Variants in DACH1 observed in about 807,000 individuals in gnomAD.
DACH1 encodes the protein dachshund family transcription factor 1.
DACH1 carries 12 observed loss-of-function variants against 54.2 expected under a neutral mutation model. That is an observed-to-expected ratio of 0.22 (90% confidence interval 0.14 to 0.36). The LOEUF (loss-of-function observed/expected upper bound fraction) is 0.36, where lower values mean the gene tolerates loss of function less well. Among genes scored for constraint, DACH1 ranks in the 10% least tolerant of loss-of-function variants. DACH1 has a pLI of 1.00. For synonymous variants in DACH1, 386 were observed against 366.2 expected (o/e 1.05, Z -0.62); for missense variants, 805 against 929.8 (o/e 0.87, Z 1.75).
At chr13:71,529,305 G>A (rs966831973) in intron 6 of DACH1, among the ~76,000 whole-genome samples, 2 of 150,552 alleles carry the variant, frequency 1.3e-5, no homozygotes, top group Admixed American at 1.3e-4. Context: ...TCCTGCCTCA[G>A]CCTCCTGAGT....
intron 1 of DACH1, among the ~76,000 whole-genome samples, chr13:71,827,296 C>A (rs1437086134): frequency 5.3e-5 from 8 of 152,024 alleles, no homozygotes; most frequent in African/African-American, 1.9e-4. Context: ...TACTGACTTA[C>A]AACTCCGTGA....
At chr13:71,769,449 G>A (rs1223640251) in intron 1 of DACH1, among the ~76,000 whole-genome samples, 2 of 151,568 alleles carry the variant, frequency 1.3e-5, no homozygotes, top group African/African-American at 2.4e-5. Context: ...GAATTTCCAG[G>A]TTCTGCTCCT....
At chr13:71,858,514 T>C (rs528798333) in intron 1 of DACH1, among the ~76,000 whole-genome samples, 2 of 151,910 alleles carry the variant, frequency 1.3e-5, no homozygotes, top group South Asian at 4.1e-4. Flanking sequence ...TAGGCTATCT[T>C]CAAAATCCAC....
intron 1 of DACH1, among the ~76,000 whole-genome samples, chr13:71,865,539 A>T (rs1874679929): frequency 6.6e-6 from 1 of 152,024 alleles, no homozygotes; most frequent in East Asian, 2.0e-4. Flanking sequence ...ACGAACGCGG[A>T]CAGCAGCGCT....
intron 3 of DACH1, among the ~76,000 whole-genome samples, chr13:71,583,191 C>A (rs574521779): frequency 6.6e-6 from 1 of 151,956 alleles, no homozygotes; most frequent in Non-Finnish European, 1.5e-5. Flanking sequence ...GGGTATGAAC[C>A]TAGGTAAAGT....
chr13:71,774,197 T>A (rs1885974316), intron 1 of DACH1, among the ~76,000 whole-genome samples: 1 of 152,162 alleles, frequency 6.6e-6, no homozygotes, highest in Non-Finnish European at 1.5e-5. Context: ...ACAACTAGAA[T>A]GCATACACCT....
At chr13:71,793,087 T>C (rs949894932) in intron 1 of DACH1, among the ~76,000 whole-genome samples, 6 of 152,214 alleles carry the variant, frequency 3.9e-5, no homozygotes, top group African/African-American at 1.2e-4. Context: ...AATACATTTT[T>C]AAAGTTTTAA....
chr13:71,734,065 T>C (rs1230754004), intron 1 of DACH1, among the ~76,000 whole-genome samples: 1 of 151,040 alleles, frequency 6.6e-6, no homozygotes, highest in African/African-American at 2.4e-5. Flanking sequence ...TAAAATAAAA[T>C]CAAAATAAAA....
intron 1 of DACH1, among the ~76,000 whole-genome samples, chr13:71,735,006 ATATT>A (rs1883950274): frequency 2.0e-5 from 3 of 149,792 alleles, no homozygotes; most frequent in East Asian, 2.0e-4. Context: ...CAGACACAGG[ATATT>A]TATATATACA....
chr13:71,541,536 T>C (rs984878668), intron 6 of DACH1, among the ~76,000 whole-genome samples: 3 of 152,124 alleles, frequency 2.0e-5, no homozygotes, highest in Non-Finnish European at 4.4e-5. Context: ...ACTTTTTCTT[T>C]ACAAGAAGCA....
chr13:71,550,308 C>T (rs1253207892), intron 6 of DACH1, among the ~76,000 whole-genome samples: 2 of 152,042 alleles, frequency 1.3e-5, no homozygotes, highest in Admixed American at 6.6e-5. Context: ...CTTTATTGTA[C>T]CCACTAATGC....
At chr13:71,583,498 C>T (rs1872994444) in intron 3 of DACH1, among the ~76,000 whole-genome samples, 2 of 152,078 alleles carry the variant, frequency 1.3e-5, no homozygotes, top group Non-Finnish European at 2.9e-5. Context: ...AGTAATAAAG[C>T]TACTGAATTT....
rs77462302 is a variant in DACH1, at chr13:71,775,910, A to C, written c.848+90012T>G. 4.2e-3 allele frequency among the ~76,000 whole-genome samples: 645 copies of C among 152,288 alleles called. 3 individuals are homozygous for C. Among genetic ancestry groups the C allele is most frequent in the Non-Finnish European group, 7.1e-3 (483 of 68,004 alleles). The stretch of plus-strand genomic sequence containing the variant: ...AAAATGGAATTGCTTATTTGAAGTT[A>C]TGATCCTTCACTTCATAGCACAACT... On this transcript the variant is annotated intron_variant, in intron 1 of 10. Coordinates refer to ENST00000613252, the MANE Select transcript of DACH1 (RefSeq NM_080759.6).
At chr13:71,443,045 T>C (rs1041941483) in intron 10 of DACH1, among the ~76,000 whole-genome samples, 1 of 148,444 alleles carries the variant, frequency 6.7e-6, no homozygotes, top group Non-Finnish European at 1.5e-5. Context: ...AGATATTGAA[T>C]TATATATATA....
At chr13:71,744,428 C>A (rs561258301) in intron 1 of DACH1, among the ~76,000 whole-genome samples, 1 of 152,128 alleles carries the variant, frequency 6.6e-6, no homozygotes, top group Admixed American at 6.5e-5. Context: ...TGAGGAAGCA[C>A]TAAAGGTATG....
chr13:71,594,937 A>G (rs1056379958), intron 3 of DACH1, among the ~76,000 whole-genome samples: 1 of 152,196 alleles, frequency 6.6e-6, no homozygotes, highest in African/African-American at 2.4e-5. Context: ...ATTATATACT[A>G]GTTAAAATAC....
At chr13:71,623,931 A>T (rs928333857) in intron 3 of DACH1, among the ~76,000 whole-genome samples, 8 of 151,872 alleles carry the variant, frequency 5.3e-5, no homozygotes, top group African/African-American at 1.9e-4. Context: ...GTATTAAATT[A>T]GCCATTTATC....
At chr13:71,816,619 CGTGT>C (rs1210492311) in intron 1 of DACH1, among the ~76,000 whole-genome samples, 21 of 138,160 alleles carry the variant, frequency 1.5e-4, no homozygotes, top group East Asian at 1.2e-3. Context: ...TATATATACA[CGTGT>C]ATATATACAC....
At chr13:71,494,058 C>T (rs770860347) in intron 6 of DACH1, among the ~76,000 whole-genome samples, 1 of 152,044 alleles carries the variant, frequency 6.6e-6, no homozygotes, top group Non-Finnish European at 1.5e-5. Flanking sequence ...TCAGATGCAG[C>T]AAAAAGTGCA....
Sources: gnomAD v4.1 joint callset for allele counts (sites outside exome capture counted in the v4.1 genomes callset) on GRCh38, gnomAD v4.1.1 for gene constraint, MANE v1.5 for transcripts, NCBI Gene and HGNC (gene_info 2026-07-23, HGNC 2026-07-21) for gene names.